HERC2: variants seen among roughly 807,000 people sequenced by gnomAD.
HERC2 encodes the protein E3 ubiquitin-protein ligase HERC2.
A neutral mutation model predicts 537.7 loss-of-function variants in HERC2; 102 were observed. That is an observed-to-expected ratio of 0.19 (90% CI 0.16 to 0.22). HERC2 has a LOEUF of 0.22. HERC2 is among the 10% of genes least tolerant of loss of function. The pLI is 1.00. For missense variants in HERC2, 4,236 were observed against 6,198.2 expected (o/e 0.68, Z 10.63); for synonymous variants, 2,224 against 2,466.2 (o/e 0.90, Z 2.91).
intron 70 of HERC2, among the ~76,000 whole-genome samples, chr15:28,148,692 G>A (rs1051611334): frequency 1.1e-4 from 16 of 147,940 alleles, no homozygotes; most frequent in African/African-American, 2.5e-4. Context: ...AAACACATGC[G>A]GCTTCTAACC....
rs2076229713 is a variant in HERC2, at chr15:28,288,755, G to A, written c.322+4133C>T. 3.3e-5 allele frequency among the ~76,000 whole-genome samples: 5 copies of A among 151,738 alleles called. No individual in the cohort carries two copies. In the South Asian group the frequency reaches 1.0e-3, roughly 32 times the overall value. ...CCCAGCTACTAGGGAGGCTGAGGCAGGAGACTCGCTTGAACCCACGTGGGG... is the reference window on the plus strand; with the variant it reads ...CCCAGCTACTAGGGAGGCTGAGGCAAGAGACTCGCTTGAACCCACGTGGGG... On this transcript the variant is annotated intron_variant, in intron 4 of 92. Transcript: ENST00000261609.
intron 2 of HERC2, among the ~76,000 whole-genome samples, chr15:28,320,807 T>G (rs2077209565): frequency 6.6e-6 from 1 of 151,948 alleles, no homozygotes; most frequent in Admixed American, 6.6e-5. Context: ...ATCAAAAAAT[T>G]AGGATCTAAG....
chr15:28,166,961 C>T (rs77966553), intron 68 of HERC2, among the ~76,000 whole-genome samples: 2,095 of 152,246 alleles, frequency 0.014, 48 homozygotes, highest in African/African-American at 0.048. Context: ...AGAAGACAGA[C>T]GGATGAGAAG....
intron 65 of HERC2, 69 bp from the exon 66 acceptor site, chr15:28,169,724 C>T (rs748722561): frequency 2.3e-4 from 341 of 1,489,916 alleles, no homozygotes; most frequent in Non-Finnish European, 3.0e-4. Flanking sequence ...TAAAATCTGA[C>T]CTTACAGGTT....
intron 5 of HERC2, among the ~76,000 whole-genome samples, chr15:28,276,969 G>A (rs1049642157): frequency 6.6e-6 from 1 of 152,074 alleles, no homozygotes; most frequent in African/African-American, 2.4e-5. Flanking sequence ...CAGCTACTCA[G>A]GAAGCTGAAA....
At chr15:28,292,542 G>A (rs1309577772) in intron 4 of HERC2, among the ~76,000 whole-genome samples, 2 of 152,124 alleles carry the variant, frequency 1.3e-5, no homozygotes, top group African/African-American at 4.8e-5. Context: ...AGTGCCAGGT[G>A]CGATGGCTCA....
intron 2 of HERC2, among the ~76,000 whole-genome samples, chr15:28,307,826 A>T (rs4035971): frequency 8.5e-5 from 13 of 152,314 alleles, no homozygotes; most frequent in South Asian, 2.1e-4. Flanking sequence ...TCCCCAGTGT[A>T]TGTTCTTGGT....
chr15:28,127,646 C>T (rs1285530703), intron 83 of HERC2, among the ~76,000 whole-genome samples: 2 of 152,268 alleles, frequency 1.3e-5, no homozygotes, highest in East Asian at 3.9e-4. Context: ...TCCACAGATG[C>T]CAGGGCTCCT....
intron 9 of HERC2, among the ~76,000 whole-genome samples, chr15:28,271,648 G>T (rs989712712): frequency 6.6e-6 from 1 of 151,758 alleles, no homozygotes; most frequent in African/African-American, 2.4e-5. Flanking sequence ...CAGCCTGGGC[G>T]ACAGAGCAAG....
intron 70 of HERC2, among the ~76,000 whole-genome samples, chr15:28,152,059 A>T (rs1393466424): frequency 2.0e-5 from 3 of 152,228 alleles, no homozygotes; most frequent in Non-Finnish European, 4.4e-5. Context: ...ACAGGCAGGC[A>T]GGAGGTGCCT....
At chr15:28,120,942 G>T (rs1888815992) in intron 86 of HERC2, among the ~76,000 whole-genome samples, 1 of 152,186 alleles carries the variant, frequency 6.6e-6, no homozygotes, top group African/African-American at 2.4e-5. Context: ...CAGCCCCACA[G>T]GACCCTATTC....
chr15:28,175,890 G>A (rs760451213), intron 63 of HERC2, among the ~76,000 whole-genome samples: 1 of 152,140 alleles, frequency 6.6e-6, no homozygotes, highest in Non-Finnish European at 1.5e-5. Flanking sequence ...TTAAGTTACT[G>A]TTGTAGGTTT....
intron 45 of HERC2, 129 bp from the exon 46 acceptor site, chr15:28,202,743 A>G (rs1442960330): frequency 2.8e-6 from 1 of 350,978 alleles, no homozygotes. Flanking sequence ...CCGCATTCAC[A>G]TGTGTGTTTT....
rs1414218024 is a variant in HERC2, at chr15:28,268,014, G to C, written c.1598+451C>G. 6.6e-6 allele frequency among the ~76,000 whole-genome samples: 1 copy of C among 152,174 alleles called. No homozygotes were observed. Among genetic ancestry groups the C allele is most frequent in the African/African-American group, 2.4e-5 (1 of 41,446 alleles). ...TTTATAACAACTTTCTGTTTCATTTGTTCTTTCACAATAAAAGGTTCCACT... is the reference window on the plus strand; with the variant it reads ...TTTATAACAACTTTCTGTTTCATTTCTTCTTTCACAATAAAAGGTTCCACT... On this transcript the variant is annotated intron_variant, in intron 12 of 92. Coordinates refer to ENST00000261609, the MANE Select transcript of HERC2 (RefSeq NM_004667.6). This position sits in a 1 kb window ranked among gnomAD's most constrained non-coding sequence, Gnocchi z 4.7.
At chr15:28,290,135 G>C (rs956995825) in intron 4 of HERC2, among the ~76,000 whole-genome samples, 3 of 152,226 alleles carry the variant, frequency 2.0e-5, no homozygotes, top group African/African-American at 7.2e-5. Flanking sequence ...GTACGGGTAA[G>C]ATCTCTGAGA....
intron 70 of HERC2, among the ~76,000 whole-genome samples, chr15:28,149,460 C>T (rs532551809): frequency 1.1e-4 from 16 of 151,408 alleles, no homozygotes; most frequent in Middle Eastern, 3.4e-3. Context: ...TAACCGAGAA[C>T]GTCACCGAGA....
chr15:28,246,597 C>T (rs1195101143), intron 22 of HERC2, 145 bp downstream of exon 22: 3 of 576,974 alleles, frequency 5.2e-6, no homozygotes, highest in Admixed American at 4.0e-5. Context: ...CTGTCAGTAA[C>T]TAAAAAAAAA....
chr15:28,270,907 G>A, intron 9 of HERC2, 39 bp from the exon 10 acceptor site: 2 of 1,579,926 alleles, frequency 1.3e-6, no homozygotes. Context: ...GAAATGGTGG[G>A]AAAAATTAAA....
intron 2 of HERC2, among the ~76,000 whole-genome samples, chr15:28,318,399 G>C (rs2077146771): frequency 6.6e-6 from 1 of 152,178 alleles, no homozygotes; most frequent in South Asian, 2.1e-4. Context: ...GGCCGAGACG[G>C]GTGGATCACT....
Sources: allele counts gnomAD v4.1 joint callset (sites outside exome capture counted in the v4.1 genomes callset), GRCh38; gene constraint gnomAD v4.1.1; non-coding constraint Gnocchi (gnomAD v3.1); transcripts MANE v1.5; gene names NCBI Gene and HGNC (gene_info 2026-07-23, HGNC 2026-07-21).